Variants in RAP1GAP2 observed in about 807,000 individuals in gnomAD.
RAP1GAP2 encodes rap1 GTPase-activating protein 2.
Under a neutral mutation model 95.0 loss-of-function variants are expected in RAP1GAP2, and 27 were observed. The observed-to-expected ratio is 0.28, with a 90% CI of 0.21 to 0.39. RAP1GAP2 has a LOEUF of 0.39. Among genes scored for constraint, RAP1GAP2 ranks in the 10% least tolerant of loss-of-function variants. The probability of loss-of-function intolerance (pLI) is 1.00; values close to 1 mark genes in which losing one functional copy is unlikely to be tolerated. For synonymous variants in RAP1GAP2, 373 were observed against 380.9 expected (o/e 0.98, Z 0.24); for missense variants, 771 against 970.0 (o/e 0.79, Z 2.72).
intron 1 of RAP1GAP2, among the ~76,000 whole-genome samples, chr17:2,787,810 G>T (rs997789031): frequency 8.6e-5 from 13 of 151,692 alleles, no homozygotes; most frequent in Admixed American, 6.6e-5. Context: ...CTCGTGATCT[G>T]CCCGCCTCGG....
In RAP1GAP2 at chr17:2,901,142, C is replaced by G. The variant is rs889428529; in HGVS notation, c.81-4142C>G. On this transcript the variant is annotated intron_variant, in intron 2 of 24. Coordinates refer to ENST00000254695, the MANE Select transcript of RAP1GAP2 (RefSeq NM_015085.5). ...TTGGCCAACGCTGGCTAGGACGCGT[C>G]CTGGTCTCCCTGAGCCTCCCCATCT... Among the ~76,000 whole-genome samples, 13 of 152,172 alleles carry G rather than the reference C, an allele frequency of 8.5e-5. 1 individual carries two copies. The highest frequency in any genetic ancestry group is 7.9e-4 in the Admixed American group (12 of 15,276).
intron 2 of RAP1GAP2, among the ~76,000 whole-genome samples, chr17:2,893,991 A>G (rs1411603614): frequency 6.6e-6 from 1 of 152,132 alleles, no homozygotes; most frequent in African/African-American, 2.4e-5. Flanking sequence ...TTTTTGCTTT[A>G]TGAAAGCCGG....
At chr17:2,769,687 T>G (rs2068351209) in intron 1 of RAP1GAP2, among the ~76,000 whole-genome samples, 1 of 152,258 alleles carries the variant, frequency 6.6e-6, no homozygotes, top group Admixed American at 6.5e-5. Context: ...CTGAATTGCC[T>G]GTGTGTCCTC....
chr17:2,831,317 T>TCCAC, intron 2 of RAP1GAP2, among the ~76,000 whole-genome samples: 5 of 151,340 alleles, frequency 3.3e-5, no homozygotes, highest in Middle Eastern at 3.4e-3. Context: ...CCTCAGGTGA[T>TCCAC]CTGCCTGCTC....
chr17:2,862,192 C>CCTAAG (rs1367829169), intron 2 of RAP1GAP2, among the ~76,000 whole-genome samples: 1 of 152,190 alleles, frequency 6.6e-6, no homozygotes, highest in Non-Finnish European at 1.5e-5. Context: ...AGCCAGGGCT[C>CCTAAG]TTCTTGACAC....
Position 2,904,512 on chromosome 17 carries a change from C to T in RAP1GAP2, c.81-772C>T, listed in dbSNP as rs1017667251. On this transcript the variant is annotated intron_variant, in intron 2 of 24. Coordinates refer to ENST00000254695, the MANE Select transcript of RAP1GAP2 (RefSeq NM_015085.5). The surrounding 1 kb of genome is among the most constrained non-coding windows in gnomAD (Gnocchi z 4.7). ...GGCAGGCAGCCCTGTCTCCCGAGGACAGCTTTTTGACCAGGGCCTGTGTGT... is the reference window on the plus strand; with the variant it reads ...GGCAGGCAGCCCTGTCTCCCGAGGATAGCTTTTTGACCAGGGCCTGTGTGT... 5.2e-5 allele frequency among the ~76,000 whole-genome samples: 7 copies of T among 134,574 alleles called. No homozygotes were observed. Among genetic ancestry groups the T allele is most frequent in the African/African-American group, 1.8e-4 (7 of 37,886 alleles). The allele number at this position is 134,574 out of a possible 152,430, so 88.3% of individuals were successfully genotyped here. A position where few individuals can be genotyped will look rare whatever the true frequency, so the allele number is the denominator to read the frequency against.
chr17:2,783,812 G>A (rs917683386), intron 1 of RAP1GAP2, among the ~76,000 whole-genome samples: 9 of 152,160 alleles, frequency 5.9e-5, no homozygotes, highest in Admixed American at 4.6e-4. Context: ...CACGTCTGGC[G>A]TTTCTTGCTG....
intron 22 of RAP1GAP2, among the ~76,000 whole-genome samples, chr17:3,030,217 C>A (rs1307602375): frequency 6.6e-6 from 1 of 150,866 alleles, no homozygotes; most frequent in Non-Finnish European, 1.5e-5. Context: ...TGGCGCCCGG[C>A]CATGAGTATT....
intron 2 of RAP1GAP2, among the ~76,000 whole-genome samples, chr17:2,887,152 G>A (rs1166933643): frequency 6.6e-6 from 1 of 151,758 alleles, no homozygotes; most frequent in Non-Finnish European, 1.5e-5. Context: ...CTGCCTCCTA[G>A]GTCCAAGCGA....
intron 8 of RAP1GAP2, among the ~76,000 whole-genome samples, chr17:2,971,904 A>G (rs752435559): frequency 5.3e-5 from 8 of 152,238 alleles, no homozygotes; most frequent in Non-Finnish European, 1.0e-4. Context: ...GGAAGAAGCA[A>G]TAAGATAGGT....
At chr17:2,992,803 G>A (rs1157263635) in intron 12 of RAP1GAP2, among the ~76,000 whole-genome samples, 15 of 151,912 alleles carry the variant, frequency 9.9e-5, no homozygotes, top group African/African-American at 2.9e-4. Flanking sequence ...AGGTCATCAC[G>A]GCTGTCTGGG....
At chr17:2,787,525 G>C (rs1236163423) in intron 1 of RAP1GAP2, among the ~76,000 whole-genome samples, 1 of 152,142 alleles carries the variant, frequency 6.6e-6, no homozygotes, top group African/African-American at 2.4e-5. Context: ...CAAAGTGCTA[G>C]GATGACAGGT....
In RAP1GAP2 at chr17:2,827,811, GA is replaced by G. The variant is rs11446282; in HGVS notation, c.80+27273del. Among the ~76,000 whole-genome samples the G allele has an allele frequency of 1.7e-3, 250 of 146,272 alleles. No homozygotes were observed. Among genetic ancestry groups the G allele is most frequent in the Middle Eastern group, 3.6e-3 (1 of 276 alleles). Reference sequence around the variant, plus strand: ...GTTGCTTTTTATCAGCTTCCTATTAGAAAAAAAAAAAATCCCCTTGAAAAAC... The same window carrying G: ...GTTGCTTTTTATCAGCTTCCTATTAGAAAAAAAAAAATCCCCTTGAAAAAC... On this transcript the variant is annotated intron_variant, in intron 2 of 24. Transcript: ENST00000254695. This position sits in a 1 kb window ranked among gnomAD's most constrained non-coding sequence, Gnocchi z 4.1.
At chr17:2,800,640 A>G (rs1222709899) in intron 2 of RAP1GAP2, 90 bp downstream of exon 2, 3 of 1,366,636 alleles carry the variant, frequency 2.2e-6, no homozygotes, top group Admixed American at 3.9e-5. Flanking sequence ...GGGAGACACA[A>G]GAGGGGCTGT....
chr17:2,789,651 G>T lies in RAP1GAP2; in HGVS notation c.-13-10864G>T, dbSNP rs188854783. On this transcript the variant is annotated intron_variant, in intron 1 of 24. Transcript: ENST00000540393. Reference sequence around the variant, plus strand: ...AAAAACATTAGCCAGGCATGGTGGCGTGTACTGGTAGTCCTAGCTACTCTG... The same window carrying T: ...AAAAACATTAGCCAGGCATGGTGGCTTGTACTGGTAGTCCTAGCTACTCTG... Among the ~76,000 whole-genome samples the T allele has an allele frequency of 2.9e-4, 43 of 149,354 alleles. 1 individual carries two copies. The highest frequency in any genetic ancestry group is 2.6e-3 in the Admixed American group (39 of 14,886).
rs1396316343 is a variant in RAP1GAP2 at position 2,827,092 on chromosome 17, G to C, written c.80+26542G>C. ...GGAAATGGGGGTTTCACATTTGGGG[G>C]ATTTGCAAAGTAGTCACGTGGGTGA... is the stretch of plus-strand genomic sequence containing the variant. On this transcript the variant is annotated intron_variant, in intron 2 of 24. Coordinates refer to ENST00000254695, the MANE Select transcript of RAP1GAP2 (RefSeq NM_015085.5). This position sits in a 1 kb window ranked among gnomAD's most constrained non-coding sequence, Gnocchi z 4.1. Among the ~76,000 whole-genome samples the C allele has an allele frequency of 6.6e-6, 1 of 152,202 alleles. No homozygotes were observed. Among genetic ancestry groups the C allele is most frequent in the Non-Finnish European group, 1.5e-5 (1 of 68,034 alleles).
intron 3 of RAP1GAP2, among the ~76,000 whole-genome samples, chr17:2,926,581 G>C (rs368433528): frequency 2.6e-4 from 40 of 152,232 alleles, no homozygotes; most frequent in African/African-American, 9.6e-4. Context: ...CCTGTCGGGA[G>C]GTTTCTATTA....
chr17:2,985,854 A>C (rs927960807), intron 11 of RAP1GAP2, among the ~76,000 whole-genome samples: 1 of 152,184 alleles, frequency 6.6e-6, no homozygotes, highest in African/African-American at 2.4e-5. Flanking sequence ...AGTGGTTTCC[A>C]TACTTACGGA....
intron 1 of RAP1GAP2, among the ~76,000 whole-genome samples, chr17:2,769,408 A>G (rs2068345804): frequency 6.6e-6 from 1 of 151,334 alleles, no homozygotes; most frequent in African/African-American, 2.4e-5. Context: ...ACAAAAAATT[A>G]GCCGGGCGTG....
Sources: allele counts gnomAD v4.1 joint callset (sites outside exome capture counted in the v4.1 genomes callset), GRCh38; gene constraint gnomAD v4.1.1; non-coding constraint Gnocchi (gnomAD v3.1); transcripts MANE v1.5; gene names NCBI Gene and HGNC (gene_info 2026-07-23, HGNC 2026-07-21).